NIPBL: variants seen among roughly 807,000 people sequenced by gnomAD.
NIPBL encodes NIPBL cohesin loading factor, also known as nipped-B-like protein.
In NIPBL, 19 loss-of-function variants were observed where a neutral mutation model predicts 321.8. The ratio of observed to expected loss-of-function variants is 0.06; its 90% CI spans 0.04 to 0.09. The LOEUF is 0.09. Among genes scored for constraint, NIPBL ranks in the 10% least tolerant of loss-of-function variants. The pLI, the probability that NIPBL is intolerant of heterozygous loss-of-function variation, is 1.00. For missense variants in NIPBL, 2,210 were observed against 3,327.0 expected, an observed-to-expected ratio of 0.66 and a Z score of 8.26; for synonymous variants, 1,106 against 1,114.1, an observed-to-expected ratio of 0.99 and a Z score of 0.14.
At chr5:37,046,017 T>C in intron 37 of NIPBL, 92 bp from the exon 38 acceptor site, 1 of 720,636 alleles carries the variant, frequency 1.4e-6, no homozygotes, top group Non-Finnish European at 2.5e-6. Flanking sequence ...TCACACAAAT[T>C]CTCATTGTTT....
At chr5:37,064,464 A>G in intron 46 of NIPBL, 63 bp from the exon 47 acceptor site, 2 of 1,600,546 alleles carry the variant, frequency 1.2e-6, no homozygotes, top group South Asian at 1.1e-5. Flanking sequence ...AATAAAAACA[A>G]TAATTTCACT....
In NIPBL at chr5:37,003,365, A is replaced by G. The variant is rs773414165; in HGVS notation, c.3855+18A>G. On this transcript the variant is annotated intron_variant, in intron 16 of 46. Coordinates refer to ENST00000282516, the MANE Select transcript of NIPBL (RefSeq NM_133433.4). ...TAAATCATGTAAGTTTAAGATCCAT[A>G]CTGTTAATTTTACCCTTAATGTTAT... 7 of 1,444,536 alleles carry G rather than the reference A, an allele frequency of 4.8e-6. No homozygotes were observed. Among genetic ancestry groups the G allele is most frequent in the Non-Finnish European group, 6.8e-6 (7 of 1,027,300 alleles). The allele number at this position is 1,444,536 out of a possible 1,614,324, so 89.5% of individuals were successfully genotyped here.
At chr5:36,887,627 T>G (rs1746016136) in intron 1 of NIPBL, among the ~76,000 whole-genome samples, 1 of 152,214 alleles carries the variant, frequency 6.6e-6, no homozygotes, top group Admixed American at 6.5e-5. Flanking sequence ...CTCCTCTACC[T>G]ACCCCTTTAA....
At chr5:36,928,993 C>T (rs1271498199) in intron 1 of NIPBL, among the ~76,000 whole-genome samples, 1 of 152,024 alleles carries the variant, frequency 6.6e-6, no homozygotes, top group Non-Finnish European at 1.5e-5. Context: ...TTTGTGTAGA[C>T]ATACGTTTTT....
Position 36,986,012 on chromosome 5 carries a change from T to C in NIPBL, c.2832T>C (p.Tyr944=), listed in dbSNP as rs587783911. The change falls in exon 10 of 47, where the codon TAT becomes TAC. Residue 944 remains tyrosine (Y), a synonymous_variant. Coordinates refer to ENST00000282516, the MANE Select transcript of NIPBL (RefSeq NM_133433.4). ...ACAATAAGGCAGAATTTCCAAGTTATTTGTTGGGGGGCAGGTCTGGTGCGT... is the reference window on the plus strand; with the variant it reads ...ACAATAAGGCAGAATTTCCAAGTTACTTGTTGGGGGGCAGGTCTGGTGCGT... ...HPDNKAEFPS[Y]LLGGRSGALK... is the part of the protein sequence containing the mutation. 1 of 1,613,942 alleles carries C rather than the reference T, an allele frequency of 6.2e-7. No homozygotes were observed. Among genetic ancestry groups the C allele is most frequent in the Admixed American group, 1.7e-5 (1 of 59,954 alleles).
intron 10 of NIPBL, among the ~76,000 whole-genome samples, chr5:36,987,311 G>T (rs977166515): frequency 5.3e-5 from 8 of 152,194 alleles, no homozygotes; most frequent in Non-Finnish European, 1.0e-4. Flanking sequence ...ATCTGGAATT[G>T]CATTGGCCAA....
chr5:36,943,722 G>A (rs768706881), intron 1 of NIPBL, among the ~76,000 whole-genome samples: 1 of 152,090 alleles, frequency 6.6e-6, no homozygotes, highest in Non-Finnish European at 1.5e-5. Flanking sequence ...TCATGCCACT[G>A]AATGAGTTCA....
intron 1 of NIPBL, among the ~76,000 whole-genome samples, chr5:36,896,300 C>T (rs748455852): frequency 7.2e-5 from 11 of 152,192 alleles, no homozygotes; most frequent in Non-Finnish European, 1.5e-4. Flanking sequence ...TCTGTCCTTA[C>T]GCCAGTACTA....
intron 33 of NIPBL, among the ~76,000 whole-genome samples, chr5:37,038,253 G>A (rs1579531659): frequency 6.6e-6 from 1 of 152,036 alleles, no homozygotes; most frequent in African/African-American, 2.4e-5. Context: ...GCCTCCCAAA[G>A]TGCTGGGATT....
At chr5:36,962,072 G>A (rs536085162) in intron 5 of NIPBL, 51 bp from the exon 6 acceptor site, 3 of 1,595,756 alleles carry the variant, frequency 1.9e-6, no homozygotes, top group East Asian at 2.2e-5. Flanking sequence ...TCAAGGAATA[G>A]CGTGTTTATT....
intron 16 of NIPBL, among the ~76,000 whole-genome samples, chr5:37,005,624 T>C (rs989391163): frequency 6.6e-6 from 1 of 152,176 alleles, no homozygotes; most frequent in Non-Finnish European, 1.5e-5. Flanking sequence ...GCTTTACATA[T>C]TATATATCGT....
At chr5:37,033,730 ATTTTTTT>A (rs58081432) in intron 32 of NIPBL, among the ~76,000 whole-genome samples, 1 of 21,516 alleles carries the variant, frequency 4.6e-5, no homozygotes, top group African/African-American at 2.0e-4. Flanking sequence ...ATATATATAT[ATTTTTTT>A]TTTTTTTTTT....
intron 32 of NIPBL, among the ~76,000 whole-genome samples, chr5:37,033,344 A>C (rs1561189035): frequency 1.3e-5 from 2 of 152,140 alleles, no homozygotes; most frequent in South Asian, 4.1e-4. Context: ...GCCTTACAAA[A>C]TATTGGGACT....
chr5:37,023,876 A>G (rs914294806), intron 29 of NIPBL, among the ~76,000 whole-genome samples: 4 of 150,580 alleles, frequency 2.7e-5, no homozygotes, highest in East Asian at 2.0e-4. Context: ...CTTATAAACC[A>G]TAAGATAGGC....
intron 1 of NIPBL, among the ~76,000 whole-genome samples, chr5:36,887,496 T>C (rs1229195353): frequency 1.3e-5 from 2 of 152,144 alleles, no homozygotes; most frequent in African/African-American, 2.4e-5. Context: ...TTCTGGACAT[T>C]TTATTCGACC....
At chr5:36,975,435 T>G (rs1743331470) in intron 8 of NIPBL, among the ~76,000 whole-genome samples, 1 of 152,160 alleles carries the variant, frequency 6.6e-6, no homozygotes, top group South Asian at 2.1e-4. Context: ...CCCAAAATAT[T>G]TGTGTTGTAT....
chr5:36,963,260 GTCC>G (rs752824168), intron 6 of NIPBL, among the ~76,000 whole-genome samples: 31 of 152,078 alleles, frequency 2.0e-4, no homozygotes, highest in Non-Finnish European at 4.0e-4. Context: ...CTTTATTTTT[GTCC>G]TCCTTAATTA....
chr5:37,059,633 C>T (rs1360360529), intron 44 of NIPBL, among the ~76,000 whole-genome samples: 1 of 151,924 alleles, frequency 6.6e-6, no homozygotes, highest in Non-Finnish European at 1.5e-5. Context: ...TGTAATATGC[C>T]ATAATTTATT....
At chr5:36,997,893 A>AT (rs1199402168) in intron 11 of NIPBL, among the ~76,000 whole-genome samples, 1 of 152,192 alleles carries the variant, frequency 6.6e-6, no homozygotes, top group Non-Finnish European at 1.5e-5. Flanking sequence ...AGAAAAAAAA[A>AT]TTTTTGAAAC....
Sources: gnomAD v4.1 joint callset for allele counts (sites outside exome capture counted in the v4.1 genomes callset) on GRCh38, gnomAD v4.1.1 for gene constraint, MANE v1.5 for transcripts, NCBI Gene and HGNC (gene_info 2026-07-23, HGNC 2026-07-21) for gene names.